Variants in SOX6 observed in about 807,000 individuals in gnomAD.
SOX6 encodes SRY-box transcription factor 6.
In SOX6, 11 loss-of-function variants were observed where a neutral mutation model predicts 97.8. The ratio of observed to expected loss-of-function variants is 0.11; its 90% CI spans 0.07 to 0.19. The LOEUF (loss-of-function observed/expected upper bound fraction) is 0.19, where lower values mean the gene tolerates loss of function less well. Ranked by LOEUF, SOX6 falls within the 10% of genes least tolerant of loss-of-function variation. The pLI, the probability that SOX6 is intolerant of heterozygous loss-of-function variation, is 1.00. For missense variants in SOX6, 810 were observed against 1,039.5 expected, an observed-to-expected ratio of 0.78 and a Z score of 3.04; for synonymous variants, 360 against 371.4, an observed-to-expected ratio of 0.97 and a Z score of 0.35.
chr11:16,171,269 GTAAAACCAGATCTACCCAAT>G (rs1461137286), intron 6 of SOX6, among the ~76,000 whole-genome samples: 1 of 151,964 alleles, frequency 6.6e-6, no homozygotes, highest in Non-Finnish European at 1.5e-5. Flanking sequence ...GATTTGATAA[GTAAAACCAGATCTACCCAAT>G]GGTTATATGG....
intron 9 of SOX6, among the ~76,000 whole-genome samples, chr11:16,074,527 G>C (rs929928176): frequency 6.6e-6 from 1 of 152,058 alleles, no homozygotes; most frequent in African/African-American, 2.4e-5. Flanking sequence ...TAAAGAAGAG[G>C]TGGCGCCATT....
At chr11:16,286,977 T>C (rs1482311612) in intron 3 of SOX6, among the ~76,000 whole-genome samples, 1 of 152,042 alleles carries the variant, frequency 6.6e-6, no homozygotes, top group Non-Finnish European at 1.5e-5. Flanking sequence ...ACCATAAGGT[T>C]TTTTTAATGG....
intron 3 of SOX6, among the ~76,000 whole-genome samples, chr11:16,242,629 G>A (rs1261411320): frequency 6.7e-6 from 1 of 149,532 alleles, no homozygotes; most frequent in Non-Finnish European, 1.5e-5. Flanking sequence ...GAAAACTGAG[G>A]CTCATTAAAA....
chr11:15,976,815 C>T (rs1487434506), intron 15 of SOX6, among the ~76,000 whole-genome samples: 1 of 152,136 alleles, frequency 6.6e-6, no homozygotes, highest in Non-Finnish European at 1.5e-5. Context: ...TCTCTAATTC[C>T]TGAAATATTT....
intron 15 of SOX6, among the ~76,000 whole-genome samples, chr11:15,980,819 T>C (rs36029390): frequency 0.32 from 49,114 of 151,710 alleles, 9,359 homozygotes; most frequent in Non-Finnish European, 0.43. Flanking sequence ...GTCTACAAAA[T>C]GAAGATTAGT....
chr11:16,333,246 TA>T (rs1856362661), intron 2 of SOX6, among the ~76,000 whole-genome samples: 1 of 152,210 alleles, frequency 6.6e-6, no homozygotes, highest in African/African-American at 2.4e-5. Flanking sequence ...CCTGCTGATC[TA>T]GAAGGACTTT....
intron 7 of SOX6, among the ~76,000 whole-genome samples, chr11:16,103,403 A>G (rs1205407945): frequency 3.3e-5 from 5 of 152,000 alleles, no homozygotes; most frequent in Non-Finnish European, 7.4e-5. Flanking sequence ...TGAAAAGGGA[A>G]CACTTTTACA....
At chr11:16,554,577 A>G (rs1161569125) in intron 4 of SOX6, among the ~76,000 whole-genome samples, 4 of 152,050 alleles carry the variant, frequency 2.6e-5, no homozygotes, top group African/African-American at 9.7e-5. Flanking sequence ...TGTTTCGTCC[A>G]AGTCTCTGTA....
At chr11:16,092,835 T>G (rs1443471052) in intron 9 of SOX6, among the ~76,000 whole-genome samples, 1 of 150,314 alleles carries the variant, frequency 6.7e-6, no homozygotes, top group Non-Finnish European at 1.5e-5. Flanking sequence ...ATAAATACAC[T>G]GAAGTCCCTT....
intron 6 of SOX6, among the ~76,000 whole-genome samples, chr11:16,172,074 C>T (rs1851053727): frequency 6.6e-6 from 1 of 151,554 alleles, no homozygotes. Flanking sequence ...CTGAACCCAC[C>T]CCCGACACTC....
chr11:16,222,785 T>C (rs1168378903), intron 4 of SOX6, among the ~76,000 whole-genome samples: 1 of 152,136 alleles, frequency 6.6e-6, no homozygotes, highest in African/African-American at 2.4e-5. Flanking sequence ...TGCCACCCTA[T>C]AAAGTACATA....
chr11:16,510,185 A>T (rs915808948), intron 4 of SOX6, among the ~76,000 whole-genome samples: 1 of 152,082 alleles, frequency 6.6e-6, no homozygotes, highest in African/African-American at 2.4e-5. Flanking sequence ...GGTACATTGC[A>T]TCATGATTCC....
chr11:16,315,864 G>A (rs149600287), intron 3 of SOX6: 16 of 152,190 alleles, frequency 1.1e-4, no homozygotes, highest in African/African-American at 2.4e-4. Context: ...TCATCTCTGC[G>A]ATTATACCAA....
At chr11:16,647,735 G>A (rs1849034734) in intron 3 of SOX6, among the ~76,000 whole-genome samples, 1 of 152,180 alleles carries the variant, frequency 6.6e-6, no homozygotes, top group Admixed American at 6.5e-5. Context: ...CCCCACTGGG[G>A]ACTCTTAAAA....
chr11:16,272,829 G>C (rs998619883), intron 3 of SOX6, among the ~76,000 whole-genome samples: 3 of 151,732 alleles, frequency 2.0e-5, no homozygotes, highest in Non-Finnish European at 4.4e-5. Context: ...ACCTCATCTA[G>C]CCTTATAGCA....
chr11:16,722,788 C>T (rs1848277192), intron 2 of SOX6, among the ~76,000 whole-genome samples: 1 of 152,310 alleles, frequency 6.6e-6, no homozygotes, highest in South Asian at 2.1e-4. Context: ...TACCATCTCA[C>T]ACCAGTCAAA....
chr11:16,423,420 G>T (rs1859059548), intron 1 of SOX6, among the ~76,000 whole-genome samples: 1 of 152,084 alleles, frequency 6.6e-6, no homozygotes, highest in Non-Finnish European at 1.5e-5. Context: ...GAGAAAATAA[G>T]ATCCTTGTGA....
At chr11:16,084,880 G>A (rs1425878301) in intron 9 of SOX6, among the ~76,000 whole-genome samples, 1 of 152,146 alleles carries the variant, frequency 6.6e-6, no homozygotes, top group African/African-American at 2.4e-5. Flanking sequence ...AAAATCAGGA[G>A]GGTTTGGTTG....
chr11:16,136,963 A>T (rs1849981773), intron 6 of SOX6, among the ~76,000 whole-genome samples: 1 of 152,220 alleles, frequency 6.6e-6, no homozygotes, highest in Non-Finnish European at 1.5e-5. Flanking sequence ...ATTCAGTATC[A>T]TGTTACAAGT....
Sources: allele counts gnomAD v4.1 joint callset (sites outside exome capture counted in the v4.1 genomes callset), GRCh38; gene constraint gnomAD v4.1.1; transcripts MANE v1.5; gene names NCBI Gene and HGNC (gene_info 2026-07-23, HGNC 2026-07-21).